FZD6: variants seen among roughly 807,000 people sequenced by gnomAD.
FZD6 encodes the protein frizzled-6.
In FZD6, 49 loss-of-function variants were observed where a neutral mutation model predicts 61.4. That is an observed-to-expected ratio of 0.80 (90% CI 0.63 to 1.01). The LOEUF is 1.01. Ranked by LOEUF, FZD6 falls within the 50% of genes least tolerant of loss-of-function variation. FZD6 has a pLI of 0.00. For synonymous variants in FZD6, 265 were observed against 292.2 expected (o/e 0.91, Z 0.95); for missense variants, 724 against 848.2 (o/e 0.85, Z 1.82).
At chr8:103,299,771 T>C (rs1271984384) in intron 1 of FZD6, among the ~76,000 whole-genome samples, 185 bp from the exon 2 acceptor site, 1 of 152,302 alleles carries the variant, frequency 6.6e-6, no homozygotes, top group Non-Finnish European at 1.5e-5. Flanking sequence ...TTCCTAGAGG[T>C]GCAGCTTCCT....
At chr8:103,318,227 G>A (rs879310944) in intron 2 of FZD6, among the ~76,000 whole-genome samples, 2 of 152,190 alleles carry the variant, frequency 1.3e-5, no homozygotes, top group Non-Finnish European at 2.9e-5. Context: ...AAGAGAATTC[G>A]TGTCCTAGAA....
At chr8:103,303,553 A>T (rs1814233653) in intron 2 of FZD6, among the ~76,000 whole-genome samples, 1 of 152,140 alleles carries the variant, frequency 6.6e-6, no homozygotes, top group African/African-American at 2.4e-5. Context: ...ACTAAGTACA[A>T]TGCCTCTGAG....
At chr8:103,328,145 T>G (rs1346423977) in intron 4 of FZD6, 123 bp from the exon 5 acceptor site, 2 of 745,390 alleles carry the variant, frequency 2.7e-6, no homozygotes, top group Admixed American at 2.3e-5. Flanking sequence ...ATTATATTAT[T>G]TCAAACCTTT....
intron 4 of FZD6, among the ~76,000 whole-genome samples, chr8:103,326,461 C>T (rs187906640): frequency 7.9e-5 from 12 of 151,870 alleles, no homozygotes; most frequent in Non-Finnish European, 1.2e-4. Context: ...GTCTTTTTGG[C>T]AAGGTTGGGG....
intron 2 of FZD6, among the ~76,000 whole-genome samples, chr8:103,317,150 C>CACCCAGAGG (rs1814646135): frequency 6.6e-6 from 1 of 152,150 alleles, no homozygotes; most frequent in Non-Finnish European, 1.5e-5. Context: ...GGGCACAAGA[C>CACCCAGAGG]TCACTATCTG....
chr8:103,317,838 A>AAAAGAAAG (rs1250100467), intron 2 of FZD6, among the ~76,000 whole-genome samples: 1 of 76,048 alleles, frequency 1.3e-5, no homozygotes, highest in African/African-American at 5.9e-5. Flanking sequence ...AAAAAAAAAA[A>AAAAGAAAG]AAAGAAAGAA....
intron 4 of FZD6, among the ~76,000 whole-genome samples, chr8:103,326,371 T>G (rs1196944105): frequency 1.3e-5 from 2 of 152,176 alleles, no homozygotes; most frequent in Non-Finnish European, 2.9e-5. Flanking sequence ...TTATCCATAG[T>G]TTGTTTTTAC....
At chr8:103,324,369 C>A (rs1427306874) in intron 3 of FZD6, 112 bp from the exon 4 acceptor site, 2 of 643,176 alleles carry the variant, frequency 3.1e-6, no homozygotes, top group East Asian at 5.6e-5. Context: ...TGTATCTCTT[C>A]CCATCAATCA....
Position 103,325,431 on chromosome 8 carries a change from G to C in FZD6, c.1325G>C (p.Arg442Thr). The C allele has an allele frequency of 6.2e-7, 1 of 1,613,666 alleles. No homozygotes were observed. Among genetic ancestry groups the C allele is most frequent in the Non-Finnish European group, 8.5e-7 (1 of 1,179,612 alleles). Residue 442 changes from arginine to threonine, a missense_variant, in exon 4 of 7, where the codon AGG (arginine) becomes ACG (threonine). Physicochemically the swap from Arg to Thr is moderately conservative, Grantham distance 71. Transcript: ENST00000358755. ...LGCYVYEQVN[R>T]ITWEITWVSD... ...TGTTACGTCTATGAGCAAGTGAACA[G>C]GATTACCTGGGAGATAACTTGGGTC...
At chr8:103,315,612 G>T (rs1357273151) in intron 2 of FZD6, among the ~76,000 whole-genome samples, 2 of 152,204 alleles carry the variant, frequency 1.3e-5, no homozygotes, top group African/African-American at 4.8e-5. Context: ...AGTTACTGAG[G>T]GGGTGAGGAG....
rs766301901 is a variant in FZD6 at position 103,328,288 on chromosome 8, A to C, written c.1413A>C (p.Pro471=). Residue 471 remains proline, a synonymous_variant, in exon 5 of 7, where the codon CCA becomes CCC. Coordinates refer to ENST00000358755, the MANE Select transcript of FZD6 (RefSeq NM_003506.4). ...CPYQAKAKAR[P]ELALFMIKYL... ...TGTAGGCAAAAGCAAAAGCTCGACC[A>C]GAATTGGCTTTATTTATGATAAAAT... is the stretch of plus-strand genomic sequence containing the variant. 6.2e-7 allele frequency: 1 copy of C among 1,611,888 alleles called. No homozygotes were observed. The highest frequency in any genetic ancestry group is 8.5e-7 in the Non-Finnish European group (1 of 1,178,040).
At chr8:103,329,123 C>A (rs1815049676) in intron 5 of FZD6, among the ~76,000 whole-genome samples, 1 of 148,854 alleles carries the variant, frequency 6.7e-6, no homozygotes. Context: ...GACCATTTCA[C>A]AAATAAGTTT....
rs776955040 is a variant in FZD6 at position 103,318,668 on chromosome 8, A to C, written c.256A>C (p.Ile86Leu). ...CTGCAAAGCATTTGTACCAACCTGC[A>C]TAGAACAAATTCATGTGGTTCCACC... ...FLCKAFVPTC[I>L]EQIHVVPPCR... The change falls in exon 3 of 7, where the codon ATA becomes CTA. Residue 86 changes from isoleucine to leucine, a missense_variant. Coordinates refer to ENST00000358755, the MANE Select transcript of FZD6 (RefSeq NM_003506.4). The C allele has an allele frequency of 6.2e-7, 1 of 1,606,322 alleles. No individual in the cohort carries two copies. Among genetic ancestry groups the C allele is most frequent in the Non-Finnish European group, 8.5e-7 (1 of 1,172,852 alleles).
At chr8:103,305,151 G>T (rs1282332902) in intron 2 of FZD6, among the ~76,000 whole-genome samples, 1 of 152,186 alleles carries the variant, frequency 6.6e-6, no homozygotes, top group Non-Finnish European at 1.5e-5. Flanking sequence ...TTGAGAGACT[G>T]ATTTCATCCA....
chr8:103,298,698 C>CGGGGCCGGGTCCTGGCGGGCCGCGGAGT (rs1250795804), upstream of FZD6: 7 of 151,600 alleles, frequency 4.6e-5, no homozygotes, highest in East Asian at 9.7e-4. Flanking sequence ...GCCCGTTCAC[C>CGGGGCCGGGTCCTGGCGGGCCGCGGAGT]GGGGCCGGGT....
intron 2 of FZD6, chr8:103,307,720 T>G (rs1340915335): frequency 1.1e-5 from 1 of 93,524 alleles, no homozygotes; most frequent in Non-Finnish European, 2.3e-5. Context: ...CTAAGGTGTG[T>G]TTTTTTTTTT....
At chr8:103,307,492 A>C (rs1190379017) in intron 2 of FZD6, among the ~76,000 whole-genome samples, 1 of 152,108 alleles carries the variant, frequency 6.6e-6, no homozygotes, top group Non-Finnish European at 1.5e-5. Flanking sequence ...TAGTGGAGGG[A>C]ATGTAAAACA....
At chr8:103,312,352 T>G (rs1228161865) in intron 2 of FZD6, among the ~76,000 whole-genome samples, 1 of 152,152 alleles carries the variant, frequency 6.6e-6, no homozygotes, top group Admixed American at 6.5e-5. Flanking sequence ...AGTTTATAAG[T>G]GAGATCATGA....
chr8:103,330,230 A>T (rs1156497239), intron 6 of FZD6, among the ~76,000 whole-genome samples, 165 bp downstream of exon 6: 2 of 152,190 alleles, frequency 1.3e-5, no homozygotes, highest in African/African-American at 2.4e-5. Flanking sequence ...TAGTAGTTTA[A>T]TTCTTAGCTT....
Sources: gnomAD v4.1 joint callset for allele counts (sites outside exome capture counted in the v4.1 genomes callset) on GRCh38, gnomAD v4.1.1 for gene constraint, MANE v1.5 for transcripts, NCBI Gene and HGNC (gene_info 2026-07-23, HGNC 2026-07-21) for gene names.